AKT1: variants seen among roughly 807,000 people sequenced by gnomAD.
AKT1 encodes the protein RAC-alpha serine/threonine-protein kinase.
In AKT1, 21 loss-of-function variants were observed where a neutral mutation model predicts 63.1. That is an observed-to-expected ratio of 0.33 (90% CI 0.24 to 0.48). The LOEUF (loss-of-function observed/expected upper bound fraction) is 0.48, where lower values mean the gene tolerates loss of function less well. Ranked by LOEUF, AKT1 falls within the 20% of genes least tolerant of loss-of-function variation. AKT1 has a pLI of 0.99. For synonymous variants in AKT1, 257 were observed against 253.1 expected, an observed-to-expected ratio of 1.02 and a Z score of -0.15; for missense variants, 382 against 666.0, an observed-to-expected ratio of 0.57 and a Z score of 4.69.
intron 4 of AKT1, 34 bp from the exon 5 acceptor site, chr14:104,776,804 C>T (rs2140931602): frequency 6.3e-7 from 1 of 1,582,830 alleles, no homozygotes; most frequent in Non-Finnish European, 8.6e-7. Context: ...CTGCGTGCAT[C>T]CCCCTGCCCC....
intron 13 of AKT1, 58 bp downstream of exon 13, chr14:104,772,307 G>C (rs921864039): frequency 6.4e-7 from 1 of 1,569,752 alleles, no homozygotes; most frequent in Non-Finnish European, 8.8e-7. Flanking sequence ...ACGTGCATGC[G>C]TGAGTGTGGA....
At position 104,770,317 on chromosome 14, in the gene AKT1, C is replaced by CGTCCAGCGCA. The variant is rs1355946499; in HGVS notation, c.*14_*23dup. 37 of 1,599,610 alleles carry CGTCCAGCGCA rather than the reference C, an allele frequency of 2.3e-5. No homozygotes were observed. The highest frequency in any genetic ancestry group is 3.1e-5 in the Non-Finnish European group (36 of 1,175,312). On this transcript the variant is annotated 3_prime_UTR_variant, in exon 15 of 15. Transcript: ENST00000649815. Reference sequence around the variant, plus strand: ...CCGCCTCTCCATCCCTCCAAGCTATCGTCCAGCGCAGTCCACCGCCGCCTC... The same window carrying CGTCCAGCGCA: ...CCGCCTCTCCATCCCTCCAAGCTATCGTCCAGCGCAGTCCAGCGCAGTCCACCGCCGCCTC...
rs554693082 is a variant in AKT1, at chr14:104,770,937, G to A, written c.1261-90C>T. On this transcript the variant is annotated intron_variant, in intron 13 of 14. Coordinates refer to ENST00000649815, the MANE Select transcript of AKT1 (RefSeq NM_001382430.1). ...GTGCTCAAGACCTTCAAAGCACCTG[G>A]ATCTCCAAGGGGTCTCCAGGCAGGA... 3.1e-5 allele frequency: 36 copies of A among 1,152,332 alleles called. 1 individual carries two copies. The Middle Eastern group carries it at 1.3e-3, about 40-fold the overall frequency. 71.4% of individuals were successfully genotyped at this position (1,152,332 alleles called of 1,614,324 possible).
intron 3 of AKT1, among the ~76,000 whole-genome samples, chr14:104,791,812 G>A (rs978388162): frequency 6.6e-6 from 1 of 152,250 alleles, no homozygotes; most frequent in African/African-American, 2.4e-5. Flanking sequence ...AGTCAGGAGA[G>A]GGCGGACCGA....
chr14:104,791,937 G>A (rs1185932975), intron 3 of AKT1, among the ~76,000 whole-genome samples: 2 of 152,232 alleles, frequency 1.3e-5, no homozygotes, highest in African/African-American at 2.4e-5. Flanking sequence ...GCACCCCGCT[G>A]AGCAACGGAG....
chr14:104,772,182 CCAGAGCCTCTGAG>C lies in AKT1; in HGVS notation c.1260+170_1260+182del, dbSNP rs1360759005. ...AGTTTCCTGGTGGAACCCGGCAGTG[CCAGAGCCTCTGAG>C]CACCAGGCGCTGAGGTTGGTGCAGC... On this transcript the variant is annotated intron_variant, in intron 13 of 14. Coordinates refer to ENST00000649815, the MANE Select transcript of AKT1 (RefSeq NM_001382430.1). 4.6e-6 allele frequency: 3 copies of C among 658,314 alleles called. No individual in the cohort carries two copies. In the African/African-American group the frequency reaches 5.4e-5, roughly 12 times the overall value. 40.8% of individuals were successfully genotyped at this position (658,314 alleles called of 1,614,324 possible).
rs565209138 is a variant in AKT1, at chr14:104,790,527, G to C, written c.46+2071C>G. 6.8e-3 allele frequency among the ~76,000 whole-genome samples: 1,030 copies of C among 152,346 alleles called. 21 individuals carry two copies. Among genetic ancestry groups the C allele is most frequent in the African/African-American group, 0.024 (982 of 41,574 alleles). ...AGACACACAGGGGACCCCAGGGACG[G>C]GAGTGGCGAAATGCGGCAGGCCCCG... On this transcript the variant is annotated intron_variant, in intron 3 of 14. Coordinates refer to ENST00000649815, the MANE Select transcript of AKT1 (RefSeq NM_001382430.1).
Position 104,772,928 on chromosome 14 carries a change from G to A in AKT1, c.1122C>T (p.Pro374=), listed in dbSNP as rs374865919. 61 of 1,613,670 alleles carry A rather than the reference G, an allele frequency of 3.8e-5. No individual in the cohort carries two copies. The highest frequency in any genetic ancestry group is 5.0e-5 in the Non-Finnish European group (59 of 1,180,002). The change falls in exon 12 of 15, where the codon CCC becomes CCT. Residue 374 remains proline, a synonymous_variant. Transcript: ENST00000649815. Reference sequence around the variant, plus strand: ...GCCCTGAAAGCAAGGACTTGGCCTCGGGACCAAGCGTGCGCGGGAAGCGGA... The same window carrying A: ...GCCCTGAAAGCAAGGACTTGGCCTCAGGACCAAGCGTGCGCGGGAAGCGGA... ...EEIRFPRTLG[P]EAKSLLSGLL...
intron 3 of AKT1, among the ~76,000 whole-genome samples, chr14:104,780,912 G>A (rs1892999719): frequency 6.6e-6 from 1 of 152,238 alleles, no homozygotes; most frequent in Non-Finnish European, 1.5e-5. Flanking sequence ...CCAGCCAGCT[G>A]GGCAGGGGCC....
chr14:104,794,715 AC>A (rs1391609077), intron 1 of AKT1, among the ~76,000 whole-genome samples: 2 of 152,188 alleles, frequency 1.3e-5, no homozygotes, highest in Non-Finnish European at 2.9e-5. Flanking sequence ...AGAAGTGGCC[AC>A]CTGGAGCAAG....
At chr14:104,793,469 T>C (rs1014127416) in intron 1 of AKT1, 165 bp from the exon 2 acceptor site, 2 of 194,374 alleles carry the variant, frequency 1.0e-5, no homozygotes, top group Non-Finnish European at 1.1e-5. Context: ...ATCTGGTTCA[T>C]TCATTTGGCC....
chr14:104,773,644 C>G, intron 9 of AKT1, 64 bp from the exon 10 acceptor site: 4 of 1,550,108 alleles, frequency 2.6e-6, no homozygotes, highest in African/African-American at 1.4e-5. Context: ...GCCTGCAGGG[C>G]TGGGGTTTCT....
intron 3 of AKT1, among the ~76,000 whole-genome samples, chr14:104,788,472 GGT>G (rs1171400783): frequency 1.3e-5 from 2 of 152,166 alleles, no homozygotes; most frequent in Non-Finnish European, 2.9e-5. Context: ...TCTTCTCAAG[GGT>G]GTTTACTCAG....
chr14:104,774,303 G>C (rs1248563798), intron 8 of AKT1: 2 of 434,320 alleles, frequency 4.6e-6, no homozygotes, highest in Non-Finnish European at 8.6e-6. Flanking sequence ...CAGCCCCTGA[G>C]GTGCCAAGGA....
intron 3 of AKT1, among the ~76,000 whole-genome samples, chr14:104,785,200 G>C (rs898939635): frequency 6.6e-6 from 1 of 152,080 alleles, no homozygotes; most frequent in Non-Finnish European, 1.5e-5. Flanking sequence ...TGAGGGGCCC[G>C]CAACCCACCC....
At chr14:104,777,393 C>T in intron 4 of AKT1, 1 of 241,300 alleles carries the variant, frequency 4.1e-6, no homozygotes, top group South Asian at 8.6e-5. Flanking sequence ...CACACGCACA[C>T]CTGAGGCACA....
Position 104,770,000 on chromosome 14 carries a change from A to C in AKT1, c.*341T>G. ...CGGCTGGCTGACAGAGTGAGGGGAC[A>C]CATGGGCAGGACCTGCCCGGCCCCC... On this transcript the variant is annotated 3_prime_UTR_variant, in exon 15 of 15. Transcript: ENST00000649815. The C allele has an allele frequency of 2.2e-6, 1 of 451,988 alleles. No individual in the cohort carries two copies. The highest frequency in any genetic ancestry group is 4.1e-6 in the Non-Finnish European group (1 of 245,612). 28.0% of individuals were successfully genotyped at this position (451,988 alleles called of 1,614,324 possible).
chr14:104,774,133 C>A, intron 8 of AKT1, 153 bp from the exon 9 acceptor site: 1 of 689,116 alleles, frequency 1.5e-6, no homozygotes, highest in Non-Finnish European at 2.6e-6. Context: ...CTGCCTGATA[C>A]CACACCGCCC....
chr14:104,773,808 A>C, intron 9 of AKT1, 104 bp downstream of exon 9: 1 of 1,302,452 alleles, frequency 7.7e-7, no homozygotes, highest in Non-Finnish European at 1.1e-6. Flanking sequence ...AGCAGGGAGC[A>C]CCGTCTGGTG....
Sources: gnomAD v4.1 joint callset for allele counts (sites outside exome capture counted in the v4.1 genomes callset) on GRCh38, gnomAD v4.1.1 for gene constraint, MANE v1.5 for transcripts, NCBI Gene and HGNC (gene_info 2026-07-23, HGNC 2026-07-21) for gene names.